The following IMMP2L variants were observed in gnomAD, a reference collection of about 807,000 sequenced individuals.
IMMP2L encodes the protein inner mitochondrial membrane peptidase subunit 2, also known as mitochondrial inner membrane protease subunit 2.
A neutral mutation model predicts 19.3 loss-of-function variants in IMMP2L; 18 were observed. The observed-to-expected ratio is 0.93, with a 90% CI of 0.64 to 1.38. IMMP2L has a LOEUF of 1.38. IMMP2L is among the 40% of genes most tolerant of loss of function. IMMP2L has a pLI of 0.00. For synonymous variants in IMMP2L, 76 were observed against 73.0 expected (o/e 1.04, Z -0.21); for missense variants, 233 against 218.2 (o/e 1.07, Z -0.43).
intron 5 of IMMP2L, among the ~76,000 whole-genome samples, chr7:110,718,699 A>G (rs1003058351): frequency 6.6e-6 from 1 of 152,112 alleles, no homozygotes; most frequent in Non-Finnish European, 1.5e-5. Flanking sequence ...CAAAAGGAGT[A>G]TGGGAGCCTC....
chr7:111,186,513 T>G (rs1160776111), intron 3 of IMMP2L, among the ~76,000 whole-genome samples: 1 of 152,036 alleles, frequency 6.6e-6, no homozygotes, highest in African/African-American at 2.4e-5. Context: ...CTCCACCTCC[T>G]GGGTTCAAGG....
intron 3 of IMMP2L, among the ~76,000 whole-genome samples, chr7:111,386,017 A>T (rs1025445961): frequency 6.6e-6 from 1 of 151,654 alleles, no homozygotes; most frequent in Non-Finnish European, 1.5e-5. Flanking sequence ...AGTAGCTAGG[A>T]CTACAACCAC....
chr7:110,885,971 CTT>C lies in IMMP2L; in HGVS notation c.408+620_408+621del, dbSNP rs1431186658. Among the ~76,000 whole-genome samples the C allele has an allele frequency of 2.6e-5, 4 of 152,030 alleles. No homozygotes were observed. In the East Asian group the frequency reaches 5.8e-4, roughly 22 times the overall value. On this transcript the variant is annotated intron_variant, in intron 5 of 5. Transcript: ENST00000405709. Reference sequence around the variant, plus strand: ...TAGTCACATTTCCACAATTAGGTCTCTTTGTTCAATCTAACATAAAAGTATGT... The same window carrying C: ...TAGTCACATTTCCACAATTAGGTCTCTGTTCAATCTAACATAAAAGTATGT...
At chr7:111,183,652 T>C (rs1217705859) in intron 3 of IMMP2L, among the ~76,000 whole-genome samples, 1 of 152,114 alleles carries the variant, frequency 6.6e-6, no homozygotes, top group East Asian at 1.9e-4. Flanking sequence ...GGCATTTTCC[T>C]AGATCACACA....
At chr7:111,515,602 C>T (rs1326988206) in intron 2 of IMMP2L, among the ~76,000 whole-genome samples, 2 of 152,114 alleles carry the variant, frequency 1.3e-5, no homozygotes, top group African/African-American at 4.8e-5. Context: ...TGCTTCCCTG[C>T]AAGTTAGTTA....
At chr7:111,415,480 T>C (rs958275798) in intron 3 of IMMP2L, among the ~76,000 whole-genome samples, 1 of 151,876 alleles carries the variant, frequency 6.6e-6, no homozygotes. Context: ...TTGTGGCTTA[T>C]TAAACAGCAA....
chr7:111,181,341 G>A (rs1367535992), intron 3 of IMMP2L, among the ~76,000 whole-genome samples: 1 of 151,878 alleles, frequency 6.6e-6, no homozygotes, highest in Non-Finnish European at 1.5e-5. Context: ...TCCTATATCT[G>A]CATTTTACTT....
chr7:111,543,040 C>T (rs962655577), intron 1 of IMMP2L, among the ~76,000 whole-genome samples: 5 of 152,104 alleles, frequency 3.3e-5, no homozygotes, highest in Admixed American at 2.0e-4. Flanking sequence ...ACTGTATATA[C>T]AAAATGTAAA....
At chr7:111,532,727 ACAGGCTCCCCCATCAGGAAAG>A in intron 1 of IMMP2L, 1 of 152,306 alleles carries the variant, frequency 6.6e-6, no homozygotes, top group East Asian at 1.9e-4. Flanking sequence ...AATTAGAAAC[ACAGGCTCCCCCATCAGGAAAG>A]CACATTAAGG....
chr7:111,194,463 T>A (rs1229261725), intron 3 of IMMP2L, among the ~76,000 whole-genome samples: 1 of 152,108 alleles, frequency 6.6e-6, no homozygotes, highest in Non-Finnish European at 1.5e-5. Flanking sequence ...CACCTGTTTA[T>A]AACATTTGTA....
intron 3 of IMMP2L, among the ~76,000 whole-genome samples, chr7:111,180,538 A>G (rs1443180793): frequency 6.6e-6 from 1 of 152,050 alleles, no homozygotes; most frequent in Non-Finnish European, 1.5e-5. Context: ...TATGTAACAA[A>G]AAGGAAAGTT....
intron 4 of IMMP2L, among the ~76,000 whole-genome samples, chr7:110,948,093 T>A (rs113667796): frequency 3.5e-4 from 54 of 152,304 alleles, no homozygotes; most frequent in Non-Finnish European, 6.2e-4. Flanking sequence ...AGGAGGATGA[T>A]CAATTTCAAA....
chr7:111,197,431 C>A (rs1251520382), intron 3 of IMMP2L, among the ~76,000 whole-genome samples: 1 of 152,088 alleles, frequency 6.6e-6, no homozygotes, highest in African/African-American at 2.4e-5. Flanking sequence ...CCACGGTGCT[C>A]CAGCCTGGGC....
rs1792927406 is a variant in IMMP2L, at chr7:110,683,997, C to T, written c.409-20276G>A. On this transcript the variant is annotated intron_variant, in intron 5 of 5. Transcript: ENST00000405709. ...GATGCTTTGTAAGACATTTGAATTTCCATATACTGAAATTGCTAAGAGTAA... is the reference window on the plus strand; with the variant it reads ...GATGCTTTGTAAGACATTTGAATTTTCATATACTGAAATTGCTAAGAGTAA... Among the ~76,000 whole-genome samples, 3 of 152,060 alleles carry T rather than the reference C, an allele frequency of 2.0e-5. 1 individual carries two copies. The South Asian group carries it at 6.2e-4, about 32-fold the overall frequency.
chr7:111,031,610 T>C (rs1790831264), intron 3 of IMMP2L, among the ~76,000 whole-genome samples: 1 of 152,080 alleles, frequency 6.6e-6, no homozygotes, highest in Non-Finnish European at 1.5e-5. Flanking sequence ...TGAATGAAGA[T>C]AAAGAGGCAA....
intron 5 of IMMP2L, among the ~76,000 whole-genome samples, chr7:110,689,329 T>C (rs543460486): frequency 6.6e-6 from 1 of 152,276 alleles, no homozygotes; most frequent in South Asian, 2.1e-4. Context: ...TAGAGTAGTA[T>C]GCACATGTTA....
At chr7:111,094,826 T>A (rs547854825) in intron 3 of IMMP2L, among the ~76,000 whole-genome samples, 3 of 152,206 alleles carry the variant, frequency 2.0e-5, no homozygotes, top group East Asian at 3.9e-4. Flanking sequence ...ATAAAGACAG[T>A]AGCTGGTGCC....
At chr7:111,501,922 C>T (rs1055166274) in intron 2 of IMMP2L, among the ~76,000 whole-genome samples, 12 of 152,100 alleles carry the variant, frequency 7.9e-5, no homozygotes, top group African/African-American at 2.7e-4. Context: ...AACTAATGAG[C>T]AAAATAACCA....
chr7:111,422,176 C>G (rs1207447572), intron 3 of IMMP2L, among the ~76,000 whole-genome samples: 2 of 151,736 alleles, frequency 1.3e-5, no homozygotes, highest in Non-Finnish European at 2.9e-5. Context: ...CAGCTTTGTT[C>G]TTTTGGCTTA....
Sources: allele counts gnomAD v4.1 joint callset (sites outside exome capture counted in the v4.1 genomes callset), GRCh38; gene constraint gnomAD v4.1.1; transcripts MANE v1.5; gene names NCBI Gene and HGNC (gene_info 2026-07-23, HGNC 2026-07-21).